SND1: variants seen among roughly 807,000 people sequenced by gnomAD.
SND1 encodes the protein staphylococcal nuclease and tudor domain containing 1.
SND1 carries 38 observed loss-of-function variants against 121.7 expected under a neutral mutation model. That is an observed-to-expected ratio of 0.31 (90% CI 0.24 to 0.41). The LOEUF is 0.41. SND1 is among the 10% of genes least tolerant of loss of function. The pLI, the probability that SND1 is intolerant of heterozygous loss-of-function variation, is 1.00. For synonymous variants in SND1, 401 were observed against 447.4 expected (o/e 0.90, Z 1.31); for missense variants, 868 against 1,184.6 (o/e 0.73, Z 3.92).
intron 1 of SND1, among the ~76,000 whole-genome samples, chr7:127,658,576 T>C (rs942246946): frequency 3.9e-5 from 6 of 152,362 alleles, no homozygotes; most frequent in African/African-American, 1.4e-4. Context: ...TTACTGCTGC[T>C]CTGGCCTCTG....
intron 15 of SND1, among the ~76,000 whole-genome samples, chr7:127,986,430 A>C (rs547969469): frequency 6.6e-6 from 1 of 152,228 alleles, no homozygotes; most frequent in South Asian, 2.1e-4. Flanking sequence ...AAGGCCTTGC[A>C]TATCCTTCAT....
intron 2 of SND1, among the ~76,000 whole-genome samples, chr7:127,692,199 G>C (rs1319355592): frequency 6.6e-6 from 1 of 152,114 alleles, no homozygotes; most frequent in Admixed American, 6.5e-5. Flanking sequence ...GAGTCTATCT[G>C]GTCAAAGAGA....
intron 13 of SND1, among the ~76,000 whole-genome samples, chr7:127,892,655 C>T (rs1353654480): frequency 6.6e-6 from 1 of 152,094 alleles, no homozygotes; most frequent in Non-Finnish European, 1.5e-5. Flanking sequence ...TGCCTCATTA[C>T]CTTATGTCCT....
intron 16 of SND1, among the ~76,000 whole-genome samples, chr7:128,056,833 A>T (rs1331857115): frequency 6.6e-6 from 1 of 152,226 alleles, no homozygotes; most frequent in Non-Finnish European, 1.5e-5. Context: ...AAGATTAATA[A>T]CAATAATAAT....
chr7:127,979,303 C>T (rs1281080694), intron 15 of SND1, among the ~76,000 whole-genome samples: 5 of 152,196 alleles, frequency 3.3e-5, no homozygotes, highest in Non-Finnish European at 7.3e-5. Context: ...GGCAATTTTA[C>T]TTCTGTAGAA....
intron 16 of SND1, among the ~76,000 whole-genome samples, chr7:128,071,998 G>T (rs762416621): frequency 3.9e-5 from 6 of 152,338 alleles, no homozygotes; most frequent in Admixed American, 6.5e-5. Flanking sequence ...GCTCACCTGC[G>T]CAGGAGAGCC....
intron 15 of SND1, among the ~76,000 whole-genome samples, chr7:127,962,481 G>A (rs1801756440): frequency 1.3e-5 from 2 of 152,170 alleles, no homozygotes; most frequent in Admixed American, 1.3e-4. Flanking sequence ...TCCCCCAAAT[G>A]GCAAAGCGTA....
rs1250097205 is a variant in SND1, at chr7:128,004,043, T to TC, written c.1779+12987_1779+12988insC. Among the ~76,000 whole-genome samples the TC allele has an allele frequency of 2.0e-5, 3 of 151,856 alleles. No individual in the cohort carries two copies. The East Asian group carries it at 5.8e-4, about 29-fold the overall frequency. ...GCAGCTTTGTAACTTACTTTCTTTT[T>TC]TTTTTTTTTTTGCCCTATGTTTTGG... is the stretch of plus-strand genomic sequence containing the variant. On this transcript the variant is annotated intron_variant, in intron 16 of 23. Coordinates refer to ENST00000354725, the MANE Select transcript of SND1 (RefSeq NM_014390.4).
chr7:128,033,756 T>C (rs1792695879), intron 16 of SND1, among the ~76,000 whole-genome samples: 1 of 152,178 alleles, frequency 6.6e-6, no homozygotes, highest in East Asian at 1.9e-4. Flanking sequence ...TTTATATGAG[T>C]CAAACGTTGC....
intron 10 of SND1, among the ~76,000 whole-genome samples, chr7:127,765,172 G>A (rs2116485091): frequency 6.6e-6 from 1 of 151,050 alleles, no homozygotes; most frequent in Admixed American, 6.6e-5. Context: ...GTCTTTATTA[G>A]AAAAGTAGCA....
At chr7:127,764,094 A>G (rs1287830828) in intron 10 of SND1, among the ~76,000 whole-genome samples, 1 of 152,012 alleles carries the variant, frequency 6.6e-6, no homozygotes, top group Non-Finnish European at 1.5e-5. Flanking sequence ...AAAGAAAAGC[A>G]TAAATTGAAA....
intron 17 of SND1, among the ~76,000 whole-genome samples, chr7:128,077,506 TG>T (rs1357140309): frequency 6.6e-6 from 1 of 152,182 alleles, no homozygotes; most frequent in Non-Finnish European, 1.5e-5. Flanking sequence ...CTGGAGCAGA[TG>T]AACAGGCAGG....
At chr7:127,733,195 T>G (rs1796710848) in intron 10 of SND1, among the ~76,000 whole-genome samples, 1 of 152,188 alleles carries the variant, frequency 6.6e-6, no homozygotes, top group Admixed American at 6.5e-5. Flanking sequence ...TTATTTCCCC[T>G]TTTCTCCCTT....
intron 15 of SND1, among the ~76,000 whole-genome samples, chr7:127,947,634 C>G (rs146899218): frequency 6.6e-6 from 1 of 152,294 alleles, no homozygotes; most frequent in Non-Finnish European, 1.5e-5. Flanking sequence ...CCTGAGGACT[C>G]TGGGCGCTGG....
chr7:127,937,564 C>G (rs1563064022), intron 15 of SND1, among the ~76,000 whole-genome samples: 1 of 152,000 alleles, frequency 6.6e-6, no homozygotes, highest in African/African-American at 2.4e-5. Context: ...TTCTAAGTGT[C>G]TAGGATTTGA....
chr7:127,804,137 C>T (rs1035744819), intron 10 of SND1, among the ~76,000 whole-genome samples: 1 of 152,108 alleles, frequency 6.6e-6, no homozygotes, highest in Non-Finnish European at 1.5e-5. Context: ...TCACTTGCCT[C>T]TTGGAGATTT....
At chr7:128,066,664 G>T (rs1793320546) in intron 16 of SND1, among the ~76,000 whole-genome samples, 1 of 152,208 alleles carries the variant, frequency 6.6e-6, no homozygotes, top group South Asian at 2.1e-4. Context: ...AGTCGGTGTG[G>T]CTGTGTGTGA....
At chr7:127,687,681 T>C (rs1587596395) in intron 2 of SND1, among the ~76,000 whole-genome samples, 1 of 152,092 alleles carries the variant, frequency 6.6e-6, no homozygotes, top group Non-Finnish European at 1.5e-5. Flanking sequence ...CCATACTTTA[T>C]TACTGATTTT....
At chr7:127,742,087 G>A (rs940313782) in intron 10 of SND1, among the ~76,000 whole-genome samples, 2 of 152,148 alleles carry the variant, frequency 1.3e-5, no homozygotes, top group Non-Finnish European at 2.9e-5. Flanking sequence ...AATCCTTAGT[G>A]AAGAGATCTA....
Sources: allele counts gnomAD v4.1 joint callset (sites outside exome capture counted in the v4.1 genomes callset), GRCh38; gene constraint gnomAD v4.1.1; transcripts MANE v1.5; gene names NCBI Gene and HGNC (gene_info 2026-07-23, HGNC 2026-07-21).